The following LY6K variants were observed in gnomAD, a reference collection of about 807,000 sequenced individuals.
The protein encoded by LY6K is lymphocyte antigen 6K.
LY6K carries 9 observed loss-of-function variants against 10.4 expected under a neutral mutation model. The observed-to-expected ratio is 0.87, with a 90% CI of 0.52 to 1.52. The LOEUF is 1.52. LY6K is among the 40% of genes most tolerant of loss of function. The pLI is 0.00. For missense variants in LY6K, 217 were observed against 211.7 expected (o/e 1.02, Z -0.15); for synonymous variants, 98 against 83.7 (o/e 1.17, Z -0.94).
rs782264081 is a variant in LY6K at position 142,700,531 on chromosome 8, G to T, written c.4G>T (p.Ala2Ser). Residue 2 changes from alanine to serine, a missense_variant, in exon 1 of 3, where the codon GCG becomes TCG. Physicochemically the swap from Ala to Ser is moderately conservative, Grantham distance 99. Transcript: ENST00000292430. M[A>S]LLALLLVVAL... ...TCCCTGGGCACCGCTGGGGACGATG[G>T]CGCTGCTCGCCTTGCTGCTGGTCGT... 3.5e-5 allele frequency: 55 copies of T among 1,579,358 alleles called. No homozygotes were observed. In the African/African-American group the frequency reaches 6.1e-4, roughly 17 times the overall value.
At position 142,701,728 on chromosome 8, in the gene LY6K, T is replaced by C; in HGVS notation, c.217+15T>C. The C allele has an allele frequency of 1.3e-6, 2 of 1,571,198 alleles. No individual in the cohort carries two copies. Among genetic ancestry groups the C allele is most frequent in the South Asian group, 2.2e-5 (2 of 89,578 alleles). On this transcript the variant is annotated intron_variant, in intron 2 of 2. Coordinates refer to ENST00000292430, the MANE Select transcript of LY6K (RefSeq NM_017527.4). ...AGCGGCCGTGAGTGAGTATCTTCGC[T>C]CTTGTTGGGGACCCAAAGGCAGGTG...
intron 1 of LY6K, among the ~76,000 whole-genome samples, chr8:142,701,114 G>T (rs1815010286): frequency 6.6e-6 from 1 of 151,876 alleles, no homozygotes; most frequent in Admixed American, 6.5e-5. Flanking sequence ...CCGTCGGCCG[G>T]GAGATGCCAG....
chr8:142,702,510 A>G, intron 2 of LY6K: 2 of 1,535,720 alleles, frequency 1.3e-6, no homozygotes, highest in Non-Finnish European at 1.7e-6. Context: ...GGAGATCTTC[A>G]GGGCTCGTGA....
intron 1 of LY6K, 124 bp downstream of exon 1, chr8:142,700,754 C>A: frequency 3.8e-6 from 4 of 1,039,662 alleles, no homozygotes; most frequent in African/African-American, 1.7e-5. Context: ...CGGCCCGTGG[C>A]GCCTGGAAGC....
chr8:142,703,105 T>C lies in LY6K; in HGVS notation c.232T>C (p.Phe78Leu), dbSNP rs587639853. The C allele has an allele frequency of 6.2e-6, 10 of 1,613,742 alleles. No individual in the cohort carries two copies. The East Asian group carries it at 2.2e-4, about 36-fold the overall frequency. Residue 78 changes from phenylalanine (F) to leucine (L), a missense_variant, in exon 3 of 3, where the codon TTT becomes CTT. By Grantham distance (22) the Phe-to-Leu change is conservative. Coordinates refer to ENST00000292430, the MANE Select transcript of LY6K (RefSeq NM_017527.4). ...VIAAVKIFPR[F>L]FMVAKQCSAG... Reference sequence around the variant, plus strand: ...TTTCCTATTAGAAATATTTCCACGTTTTTTCATGGTTGCGAAGCAGTGCTC... The same window carrying C: ...TTTCCTATTAGAAATATTTCCACGTCTTTTCATGGTTGCGAAGCAGTGCTC...
chr8:142,700,555 G>T lies in LY6K; in HGVS notation c.28G>T (p.Val10Leu). 1 of 1,587,866 alleles carries T rather than the reference G, an allele frequency of 6.3e-7. No individual in the cohort carries two copies. Among genetic ancestry groups the T allele is most frequent in the Non-Finnish European group, 8.6e-7 (1 of 1,169,238 alleles). Residue 10 changes from valine (V) to leucine (L), a missense_variant, in exon 1 of 3, where the codon GTG becomes TTG. Val to Leu is a conservative substitution (Grantham distance 32). Transcript: ENST00000292430. The stretch of plus-strand genomic sequence containing the variant: ...GGCGCTGCTCGCCTTGCTGCTGGTC[G>T]TGGCCCTACCGCGGGTGTGGACAGA... MALLALLLVVALPRVWTDAN... is the reference protein window; with the variant it reads MALLALLLVLALPRVWTDAN...
chr8:142,703,508 A>G lies in LY6K; in HGVS notation c.*137A>G. On this transcript the variant is annotated 3_prime_UTR_variant, in exon 3 of 3. Transcript: ENST00000292430. ...AGGGTCTTGGGATGGGAGAGTGGGGATCAGGTGCAGTTGGCTCTTAACCCT... is the reference window on the plus strand; with the variant it reads ...AGGGTCTTGGGATGGGAGAGTGGGGGTCAGGTGCAGTTGGCTCTTAACCCT... 9.4e-7 allele frequency: 1 copy of G among 1,066,052 alleles called. No homozygotes were observed. The highest frequency in any genetic ancestry group is 1.3e-6 in the Non-Finnish European group (1 of 760,360). 66.0% of individuals were successfully genotyped at this position (1,066,052 alleles called of 1,614,324 possible).
chr8:142,702,319 A>G, intron 2 of LY6K: 1 of 598,406 alleles, frequency 1.7e-6, no homozygotes, highest in Non-Finnish European at 3.0e-6. Context: ...TGTCTATGTC[A>G]CTCTTACAAG....
At chr8:142,702,597 A>G in intron 2 of LY6K, 2 of 1,535,612 alleles carry the variant, frequency 1.3e-6, no homozygotes, top group South Asian at 2.4e-5. Context: ...GTGATGCTTC[A>G]GACTCAGTGT....
chr8:142,702,857 C>A, intron 2 of LY6K: 1 of 1,537,282 alleles, frequency 6.5e-7, no homozygotes. Flanking sequence ...CCCCTAGACC[C>A]GCATTCCCAG....
Position 142,700,217 on chromosome 8 carries a change from C to A in LY6K, c.-311C>A. On this transcript the variant is annotated 5_prime_UTR_variant, in exon 1 of 3. Coordinates refer to ENST00000292430, the MANE Select transcript of LY6K (RefSeq NM_017527.4). ...TCCTCAAGGAGACGGCCCTTGGGCT[C>A]AGGGGCTGCGTTTCCACACGCGCCT... 1 of 731,156 alleles carries A rather than the reference C, an allele frequency of 1.4e-6. No individual in the cohort carries two copies. The highest frequency in any genetic ancestry group is 1.8e-6 in the Non-Finnish European group (1 of 554,564). The allele number at this position is 731,156 out of a possible 1,614,324, so 45.3% of individuals were successfully genotyped here.
rs1359812870 is a variant in LY6K at position 142,700,238 on chromosome 8, C to G, written c.-290C>G. 3 of 917,556 alleles carry G rather than the reference C, an allele frequency of 3.3e-6. No homozygotes were observed. In the African/African-American group the frequency reaches 5.3e-5, roughly 16 times the overall value. 56.8% of individuals were successfully genotyped at this position (917,556 alleles called of 1,614,324 possible). A position where few individuals can be genotyped will look rare whatever the true frequency, so the allele number is the denominator to read the frequency against. On this transcript the variant is annotated 5_prime_UTR_variant, in exon 1 of 3. Transcript: ENST00000292430. ...GGCTCAGGGGCTGCGTTTCCACACG[C>G]GCCTTTCCCAGGGCTCCCGCGCCCG...
Position 142,700,479 on chromosome 8 carries a change from C to G in LY6K, c.-49C>G, listed in dbSNP as rs373958571. 1.3e-6 allele frequency: 2 copies of G among 1,535,758 alleles called. No homozygotes were observed. The highest frequency in any genetic ancestry group is 1.7e-6 in the Non-Finnish European group (2 of 1,143,848). ...GGAGGCTGCGAAGGTTCCAGAAGGG[C>G]GGGGAGGGGGCGCCGCGCGCTGACC... On this transcript the variant is annotated 5_prime_UTR_variant, in exon 1 of 3. Coordinates refer to ENST00000292430, the MANE Select transcript of LY6K (RefSeq NM_017527.4).
At chr8:142,702,854 A>T (rs1554640366) in intron 2 of LY6K, 1 of 1,535,584 alleles carries the variant, frequency 6.5e-7, no homozygotes, top group Admixed American at 2.0e-5. Context: ...CAACCCCTAG[A>T]CCCGCATTCC....
In LY6K at chr8:142,703,396, C is replaced by G; in HGVS notation, c.*25C>G. The G allele has an allele frequency of 6.3e-7, 1 of 1,591,282 alleles. No homozygotes were observed. ...AGCCACGGGACTGCCACAGACTGAG[C>G]CTTCCGGAGCATGGACTCGCTCCAG... On this transcript the variant is annotated 3_prime_UTR_variant, in exon 3 of 3. Coordinates refer to ENST00000292430, the MANE Select transcript of LY6K (RefSeq NM_017527.4).
chr8:142,702,433 G>A (rs1468417711), intron 2 of LY6K: 21 of 1,489,230 alleles, frequency 1.4e-5, no homozygotes, highest in Non-Finnish European at 1.9e-5. Context: ...TGATTCCCCT[G>A]AAAACCTCTG....
Position 142,701,620 on chromosome 8 carries a change from TG to T in LY6K, c.126del (p.Trp42CysfsTer28). 2.5e-6 allele frequency: 4 copies of T among 1,612,322 alleles called. No individual in the cohort carries two copies. Among genetic ancestry groups the T allele is most frequent in the Non-Finnish European group, 3.4e-6 (4 of 1,178,416 alleles). Reference protein sequence around the residue: ...QRTDEGDNRVWCHVCERENTF... With the variant: ...QRTDEGDNRVXCHVCERENTF... Reference sequence around the variant, plus strand: ...TTCAGACGAGGGTGACAATAGAGTGTGGTGTCATGTTTGTGAGAGAGAAAAC... The same window carrying T: ...TTCAGACGAGGGTGACAATAGAGTGTGTGTCATGTTTGTGAGAGAGAAAAC... On this transcript the variant is annotated frameshift_variant, in exon 2 of 3. Coordinates refer to ENST00000292430, the MANE Select transcript of LY6K (RefSeq NM_017527.4). LOFTEE classifies it high-confidence loss of function.
At chr8:142,702,892 C>G (rs1815094119) in intron 2 of LY6K, 199 bp from the exon 3 acceptor site, 1 of 1,549,314 alleles carries the variant, frequency 6.5e-7, no homozygotes, top group Non-Finnish European at 8.7e-7. Context: ...CCATACCACG[C>G]AGAAGCCAGC....
intron 2 of LY6K, 78 bp downstream of exon 2, chr8:142,701,791 C>T (rs1180586902): frequency 3.4e-6 from 3 of 885,544 alleles, no homozygotes; most frequent in Non-Finnish European, 5.6e-6. Context: ...GTCTAGTTTT[C>T]CTCAATGGGG....
Sources: gnomAD v4.1 joint callset for allele counts (sites outside exome capture counted in the v4.1 genomes callset) on GRCh38, gnomAD v4.1.1 for gene constraint, MANE v1.5 for transcripts, NCBI Gene and HGNC (gene_info 2026-07-23, HGNC 2026-07-21) for gene names.